The following TMEM266 variants were observed in gnomAD, a reference collection of about 807,000 sequenced individuals.
TMEM266 encodes the protein transmembrane protein 266.
A neutral mutation model predicts 50.5 loss-of-function variants in TMEM266; 33 were observed. The ratio of observed to expected loss-of-function variants is 0.65; its 90% CI spans 0.50 to 0.87. TMEM266 has a LOEUF of 0.87. Among genes scored for constraint, TMEM266 ranks in the 40% least tolerant of loss-of-function variants. TMEM266 has a pLI of 0.00. For synonymous variants in TMEM266, 310 were observed against 292.3 expected (o/e 1.06, Z -0.62); for missense variants, 655 against 695.1 (o/e 0.94, Z 0.65).
intron 7 of TMEM266, among the ~76,000 whole-genome samples, chr15:76,172,134 G>A (rs370993522): frequency 2.2e-4 from 34 of 152,198 alleles, no homozygotes; most frequent in African/African-American, 4.1e-4. Flanking sequence ...GTGACCAGGA[G>A]GTTGTATAGA....
intron 1 of TMEM266, among the ~76,000 whole-genome samples, chr15:76,111,322 C>T (rs113352892): frequency 9.4e-4 from 143 of 151,838 alleles, no homozygotes; most frequent in African/African-American, 3.3e-3. Context: ...CTCAGTGATC[C>T]GCCTTGGCCT....
At position 76,103,677 on chromosome 15, in the gene TMEM266, C is replaced by T. The variant is rs1250740845; in HGVS notation, c.-96-30491C>T. On this transcript the variant is annotated intron_variant, in intron 1 of 10. Transcript: ENST00000388942. ...CTGTAATCCCAGCACTTTGGGAGGC[C>T]GAGGTGGGTGGATCACCTGAGGTTA... is the stretch of plus-strand genomic sequence containing the variant. 2.6e-5 allele frequency among the ~76,000 whole-genome samples: 4 copies of T among 151,976 alleles called. No individual in the cohort carries two copies. The South Asian group carries it at 8.3e-4, about 32-fold the overall frequency.
chr15:76,156,217 G>A (rs568615625), intron 3 of TMEM266, among the ~76,000 whole-genome samples: 4 of 152,190 alleles, frequency 2.6e-5, no homozygotes, highest in African/African-American at 4.8e-5. Context: ...AAAATTAGCC[G>A]GGCATGGTGA....
chr15:76,122,587 A>AT (rs1186414118), intron 1 of TMEM266, among the ~76,000 whole-genome samples: 1 of 152,250 alleles, frequency 6.6e-6, no homozygotes, highest in Non-Finnish European at 1.5e-5. Context: ...GGAAATTTGC[A>AT]AAGTGTTTGA....
chr15:76,080,244 G>A (rs928801402), intron 1 of TMEM266, among the ~76,000 whole-genome samples: 11 of 122,580 alleles, frequency 9.0e-5, no homozygotes, highest in African/African-American at 2.0e-4. Flanking sequence ...GCAGGTGCCC[G>A]TAATCCCAGC....
intron 7 of TMEM266, among the ~76,000 whole-genome samples, chr15:76,173,058 G>A (rs1232767906): frequency 1.3e-5 from 2 of 152,264 alleles, no homozygotes; most frequent in African/African-American, 2.4e-5. Flanking sequence ...ACAGATGGGC[G>A]TTAATTTGCT....
intron 8 of TMEM266, among the ~76,000 whole-genome samples, chr15:76,181,938 C>G (rs1371609887): frequency 1.3e-5 from 2 of 152,120 alleles, no homozygotes; most frequent in African/African-American, 4.8e-5. Context: ...CTGACCTGGC[C>G]CACTGTGGAA....
chr15:76,066,054 A>C (rs368335213), intron 1 of TMEM266, among the ~76,000 whole-genome samples: 10 of 152,362 alleles, frequency 6.6e-5, no homozygotes, highest in African/African-American at 1.9e-4. Context: ...TCTCAGACAG[A>C]GTATGAATTA....
chr15:76,100,169 T>C (rs1296128067), intron 1 of TMEM266, among the ~76,000 whole-genome samples: 1 of 152,164 alleles, frequency 6.6e-6, no homozygotes, highest in Non-Finnish European at 1.5e-5. Context: ...CTCACCCAAG[T>C]TGACGTAGTA....
chr15:76,156,556 G>GTCCCCTCCCACTCTGAGCCTCTCTTC, intron 3 of TMEM266, 48 bp from the exon 4 acceptor site: 2 of 1,601,948 alleles, frequency 1.2e-6, no homozygotes, highest in Non-Finnish European at 1.7e-6. Context: ...CCACCCTCTT[G>GTCCCCTCCCACTCTGAGCCTCTCTTC]TCCCCTCCCA....
At chr15:76,169,179 C>T (rs1002645152) in intron 5 of TMEM266, among the ~76,000 whole-genome samples, 2 of 152,036 alleles carry the variant, frequency 1.3e-5, no homozygotes, top group Admixed American at 6.5e-5. Context: ...AGGGCACAAC[C>T]TAAAAGTTGT....
intron 1 of TMEM266, among the ~76,000 whole-genome samples, chr15:76,070,641 A>G (rs1310576093): frequency 3.3e-5 from 5 of 152,154 alleles, no homozygotes; most frequent in Non-Finnish European, 7.4e-5. Context: ...ACACTGCCAT[A>G]CCTCTGGAAC....
chr15:76,134,091 G>A (rs2037554222), intron 1 of TMEM266, 77 bp from the exon 2 acceptor site: 1 of 584,646 alleles, frequency 1.7e-6, no homozygotes, highest in East Asian at 2.9e-5. Context: ...AAGTTCTAAG[G>A]ACTCCCATTT....
At chr15:76,148,113 C>A (rs1053872876) in intron 3 of TMEM266, among the ~76,000 whole-genome samples, 5 of 152,214 alleles carry the variant, frequency 3.3e-5, no homozygotes, top group African/African-American at 1.2e-4. Flanking sequence ...GGAGCGCCTC[C>A]GACCACCTGG....
chr15:76,189,228 G>C (rs976281343), intron 8 of TMEM266, among the ~76,000 whole-genome samples: 1 of 151,724 alleles, frequency 6.6e-6, no homozygotes, highest in African/African-American at 2.4e-5. Context: ...GAAAGAGAAA[G>C]GAGAGAGGGA....
chr15:76,202,211 T>C lies in TMEM266; in HGVS notation c.968T>C (p.Met323Thr). ...GTCCCCACCTCTGTAGAAGCCACGA[T>C]GAAGGACGACATGAACAGCTACATC... The change falls in exon 10 of 11, where the codon ATG becomes ACG. Residue 323 changes from methionine (M) to threonine (T), a missense_variant. Physicochemically the swap from Met to Thr is moderately conservative, Grantham distance 81. Transcript: ENST00000388942. 6.2e-7 allele frequency: 1 copy of C among 1,613,858 alleles called. No homozygotes were observed.
chr15:76,097,666 T>C (rs982724456), intron 1 of TMEM266, among the ~76,000 whole-genome samples: 63 of 152,080 alleles, frequency 4.1e-4, no homozygotes, highest in African/African-American at 1.5e-3. Context: ...GGGGAAGTTC[T>C]CCCCAACCTA....
intron 3 of TMEM266, among the ~76,000 whole-genome samples, chr15:76,138,386 AC>A (rs1303328281): frequency 6.6e-6 from 1 of 152,192 alleles, no homozygotes; most frequent in Non-Finnish European, 1.5e-5. Context: ...AGAAAAAGGC[AC>A]TGGGCACAGA....
intron 1 of TMEM266, among the ~76,000 whole-genome samples, chr15:76,125,975 G>A (rs551919235): frequency 6.6e-6 from 1 of 152,162 alleles, no homozygotes; most frequent in South Asian, 2.1e-4. Flanking sequence ...CCAATCATCA[G>A]GGGAATGCAA....
Sources: gnomAD v4.1 joint callset for allele counts (sites outside exome capture counted in the v4.1 genomes callset) on GRCh38, gnomAD v4.1.1 for gene constraint, MANE v1.5 for transcripts, NCBI Gene and HGNC (gene_info 2026-07-23, HGNC 2026-07-21) for gene names.